COL6A6: variants seen among roughly 807,000 people sequenced by gnomAD.
COL6A6 encodes collagen type VI alpha 6 chain.
COL6A6 carries 183 observed loss-of-function variants against 208.6 expected under a neutral mutation model. The ratio of observed to expected loss-of-function variants is 0.88; its 90% CI spans 0.78 to 0.99. The LOEUF (loss-of-function observed/expected upper bound fraction) is 0.99. Among genes scored for constraint, COL6A6 ranks in the 50% least tolerant of loss-of-function variants. COL6A6 has a pLI of 0.00. For missense variants in COL6A6, 2,816 were observed against 2,815.2 expected, an observed-to-expected ratio of 1.00 and a Z score of -0.01; for synonymous variants, 973 against 1,011.8, an observed-to-expected ratio of 0.96 and a Z score of 0.73.
chr3:130,651,330 G>A (rs1377188283), intron 33 of COL6A6, among the ~76,000 whole-genome samples: 1 of 150,650 alleles, frequency 6.6e-6, no homozygotes, highest in Non-Finnish European at 1.5e-5. Context: ...GGAGGCTGAG[G>A]CAGGAGAATC....
At chr3:130,598,338 AT>A (rs1560046438) in intron 18 of COL6A6, 26 bp from the exon 19 acceptor site, 2 of 1,457,250 alleles carry the variant, frequency 1.4e-6, no homozygotes, top group Non-Finnish European at 9.4e-7. Flanking sequence ...AAATATATTA[AT>A]TTTTCTCTTT....
chr3:130,661,679 C>A lies in COL6A6; in HGVS notation c.5873C>A (p.Pro1958His), dbSNP rs1161964757. ...PDASCDQARP[P>H]PVQSYMDAAF... ...GCTTCTTGTGACCAAGCCAGACCAC[C>A]CCCTGTGCAGTCTTACATGGATGCT... The change falls in exon 35 of 37, where the codon CCC (proline) becomes CAC (histidine). Residue 1958 changes from proline (P) to histidine (H), a missense_variant. Coordinates refer to ENST00000358511, the MANE Select transcript of COL6A6 (RefSeq NM_001102608.3). 1.4e-5 allele frequency: 22 copies of A among 1,613,786 alleles called. No individual in the cohort carries two copies. In the East Asian group the frequency reaches 4.9e-4, roughly 36 times the overall value.
At chr3:130,663,163 T>G (rs1285643265) in intron 35 of COL6A6, among the ~76,000 whole-genome samples, 1 of 152,172 alleles carries the variant, frequency 6.6e-6, no homozygotes, top group East Asian at 1.9e-4. Flanking sequence ...GCAAGCCCAG[T>G]TAAAGCTGTA....
chr3:130,602,808 CAT>C (rs891933585), intron 20 of COL6A6, among the ~76,000 whole-genome samples: 11 of 152,124 alleles, frequency 7.2e-5, no homozygotes, highest in African/African-American at 2.7e-4. Context: ...TCATGATTAA[CAT>C]AATATTTCTA....
At chr3:130,651,026 T>C (rs1436672904) in intron 33 of COL6A6, among the ~76,000 whole-genome samples, 1 of 152,212 alleles carries the variant, frequency 6.6e-6, no homozygotes, top group East Asian at 1.9e-4. Context: ...GGAATATATT[T>C]CTCATCTGTA....
chr3:130,663,731 C>T (rs1307178706), intron 35 of COL6A6, among the ~76,000 whole-genome samples: 1 of 152,024 alleles, frequency 6.6e-6, no homozygotes, highest in East Asian at 1.9e-4. Context: ...CCCCACCCCT[C>T]AACTGAGGAA....
chr3:130,601,072 TAAG>T (rs1240727432), intron 20 of COL6A6, among the ~76,000 whole-genome samples: 3 of 152,172 alleles, frequency 2.0e-5, no homozygotes, highest in Middle Eastern at 3.2e-3. Context: ...AAATATTCAA[TAAG>T]AAGAGATAAC....
intron 23 of COL6A6, among the ~76,000 whole-genome samples, chr3:130,618,728 A>C (rs899545612): frequency 2.0e-5 from 3 of 152,222 alleles, no homozygotes; most frequent in African/African-American, 7.2e-5. Flanking sequence ...GGGAAACACA[A>C]TCAGGTTTTC....
At chr3:130,565,662 C>G (rs1211998770) in intron 4 of COL6A6, 48 bp downstream of exon 4, 1 of 1,534,314 alleles carries the variant, frequency 6.5e-7, no homozygotes, top group Non-Finnish European at 8.8e-7. Flanking sequence ...TTTTTTTCTT[C>G]TCTTTCAAAT....
intron 20 of COL6A6, 111 bp downstream of exon 20, chr3:130,599,921 T>C (rs774138071): frequency 2.3e-5 from 22 of 955,244 alleles, no homozygotes; most frequent in Non-Finnish European, 3.5e-5. Flanking sequence ...CTCACTACCT[T>C]GAGGAAACTA....
intron 21 of COL6A6, among the ~76,000 whole-genome samples, chr3:130,607,882 T>A (rs1477854601): frequency 6.6e-6 from 1 of 152,204 alleles, no homozygotes; most frequent in African/African-American, 2.4e-5. Flanking sequence ...AAACTGGTAA[T>A]TTATAAACAA....
chr3:130,576,358 A>C lies in COL6A6; in HGVS notation c.3547+1833A>C, dbSNP rs116725044. Among the ~76,000 whole-genome samples the C allele has an allele frequency of 7.3e-3, 1,117 of 152,286 alleles. 17 individuals carry two copies. Among genetic ancestry groups the C allele is most frequent in the African/African-American group, 0.026 (1,073 of 41,566 alleles). On this transcript the variant is annotated intron_variant, in intron 8 of 36. Transcript: ENST00000358511. ...CTCTCCAAACACTTTTCCAAACTGCAGTCTTAAACCTTTAATAAGACCTGA... is the reference window on the plus strand; with the variant it reads ...CTCTCCAAACACTTTTCCAAACTGCCGTCTTAAACCTTTAATAAGACCTGA...
At chr3:130,614,507 G>A (rs973740921) in intron 23 of COL6A6, among the ~76,000 whole-genome samples, 4 of 152,162 alleles carry the variant, frequency 2.6e-5, no homozygotes, top group East Asian at 3.9e-4. Context: ...TTGGTATCAG[G>A]ATGATGCTGG....
chr3:130,548,996 CT>C (rs2062583552), intron 1 of COL6A6, among the ~76,000 whole-genome samples: 1 of 152,140 alleles, frequency 6.6e-6, no homozygotes. Flanking sequence ...CTCCAAGCTT[CT>C]TATATGCTAG....
chr3:130,556,528 T>A (rs2062771000), intron 1 of COL6A6, among the ~76,000 whole-genome samples: 2 of 152,320 alleles, frequency 1.3e-5, no homozygotes, highest in South Asian at 4.1e-4. Flanking sequence ...TCCTTAGTTG[T>A]ATCTCCTTTT....
intron 26 of COL6A6, among the ~76,000 whole-genome samples, 184 bp from the exon 27 acceptor site, chr3:130,634,406 A>G (rs1168949079): frequency 1.3e-5 from 2 of 152,168 alleles, no homozygotes; most frequent in Non-Finnish European, 2.9e-5. Flanking sequence ...ACCCTTAAAT[A>G]CTTTAACTTA....
rs367687833 is a variant in COL6A6 at position 130,643,017 on chromosome 3, C to G, written c.5221C>G (p.Arg1741Gly). The G allele has an allele frequency of 6.2e-7, 1 of 1,613,600 alleles. No individual in the cohort carries two copies. The highest frequency in any genetic ancestry group is 2.2e-5 in the East Asian group (1 of 44,870). ...TGAGCTCATTCAGTATGTGCGAGAC[C>G]GCAGTCGTAAGTACCCTGCTTAAAA... ...TCELIQYVRD[R>G]SPGRHGKPEC... The change falls in exon 31 of 37, where the codon CGC becomes GGC. Residue 1741 changes from arginine (R) to glycine (G), a missense_variant. Physicochemically the swap from Arg to Gly is moderately radical, Grantham distance 125 (BLOSUM62 -2). Transcript: ENST00000358511.
chr3:130,649,480 C>G lies in COL6A6; in HGVS notation c.5651C>G (p.Ala1884Gly), dbSNP rs2065568182. Residue 1884 changes from alanine (A) to glycine (G), a missense_variant, in exon 33 of 37, where the codon GCT becomes GGT. Ala to Gly is a moderately conservative substitution (Grantham distance 60, BLOSUM62 0). Coordinates refer to ENST00000358511, the MANE Select transcript of COL6A6 (RefSeq NM_001102608.3). ...GCGGATGCCCACTCCATCACCACGGCTGCCATGGAGTTCGGCGCGCTTGAA... is the reference window on the plus strand; with the variant it reads ...GCGGATGCCCACTCCATCACCACGGGTGCCATGGAGTTCGGCGCGCTTGAA... ...QSADAHSITT[A>G]AMEFGALEII... The G allele has an allele frequency of 3.7e-6, 6 of 1,610,724 alleles. No individual in the cohort carries two copies. The East Asian group carries it at 1.3e-4, about 36-fold the overall frequency.
At chr3:130,541,123 AAAC>A (rs1347827255) in intron 1 of COL6A6, among the ~76,000 whole-genome samples, 1 of 152,236 alleles carries the variant, frequency 6.6e-6, no homozygotes, top group Non-Finnish European at 1.5e-5. Context: ...ACAAGGAAAA[AAAC>A]AACCCCATTA....
Sources: allele counts gnomAD v4.1 joint callset (sites outside exome capture counted in the v4.1 genomes callset), GRCh38; gene constraint gnomAD v4.1.1; transcripts MANE v1.5; gene names NCBI Gene and HGNC (gene_info 2026-07-23, HGNC 2026-07-21).